Variants in TSNARE1 observed in about 807,000 individuals in gnomAD.
The protein encoded by TSNARE1 is t-SNARE domain-containing protein 1.
A neutral mutation model predicts 62.0 loss-of-function variants in TSNARE1; 49 were observed. That is an observed-to-expected ratio of 0.79 (90% CI 0.63 to 1.00). The LOEUF is 1.00. Ranked by LOEUF, TSNARE1 falls within the 50% of genes least tolerant of loss-of-function variation. TSNARE1 has a pLI of 0.00. For missense variants in TSNARE1, 755 were observed against 700.1 expected (o/e 1.08, Z -0.88); for synonymous variants, 328 against 294.4 (o/e 1.11, Z -1.17).
intron 12 of TSNARE1, among the ~76,000 whole-genome samples, chr8:142,256,243 A>G: frequency 7.1e-6 from 1 of 140,556 alleles, no homozygotes; most frequent in African/African-American, 2.7e-5. Flanking sequence ...CACCACCATC[A>G]CCATCACCAT....
rs1285240302 is a variant in TSNARE1 at position 142,344,458 on chromosome 8, G to A, written c.253C>T (p.Pro85Ser). 2 of 1,567,960 alleles carry A rather than the reference G, an allele frequency of 1.3e-6. No homozygotes were observed. Among genetic ancestry groups the A allele is most frequent in the Non-Finnish European group, 1.7e-6 (2 of 1,159,306 alleles). The stretch of plus-strand genomic sequence containing the variant: ...GGCTCCGGCATCCGGCTGCCTTCAG[G>A]GGCAACCCCAGGCCCTGGAAAGGCA... ...RARKRGPGVAPEGSRMPEPTS... is the reference protein window; with the variant it reads ...RARKRGPGVASEGSRMPEPTS... The change falls in exon 4 of 14, where the codon CCT becomes TCT. Residue 85 changes from proline to serine, a missense_variant. By Grantham distance (74) the Pro-to-Ser change is moderately conservative. Coordinates refer to ENST00000524325, the MANE Select transcript of TSNARE1 (RefSeq NM_145003.5).
intron 1 of TSNARE1, among the ~76,000 whole-genome samples, chr8:142,355,750 G>A (rs905148319): frequency 3.9e-5 from 6 of 152,230 alleles, no homozygotes; most frequent in African/African-American, 1.4e-4. Context: ...ACAAACACCT[G>A]AAGTGCGAAG....
intron 12 of TSNARE1, among the ~76,000 whole-genome samples, chr8:142,264,929 C>A (rs1038352799): frequency 6.6e-6 from 1 of 152,134 alleles, no homozygotes; most frequent in Non-Finnish European, 1.5e-5. Flanking sequence ...TGTGTTCTCG[C>A]CCTGTCCTGC....
intron 2 of TSNARE1, among the ~76,000 whole-genome samples, chr8:142,350,756 G>T (rs148252807): frequency 6.6e-6 from 1 of 152,200 alleles, no homozygotes; most frequent in Admixed American, 6.5e-5. Flanking sequence ...AACATGGCTG[G>T]ACACAAACCA....
chr8:142,296,604 C>T (rs868729303), intron 10 of TSNARE1, among the ~76,000 whole-genome samples: 3 of 151,944 alleles, frequency 2.0e-5, no homozygotes, highest in Admixed American at 6.5e-5. Context: ...AAGCAAGGGC[C>T]GCTCACCTTC....
chr8:142,400,570 C>G (rs1368074079), intron 1 of TSNARE1, among the ~76,000 whole-genome samples: 1 of 151,980 alleles, frequency 6.6e-6, no homozygotes, highest in African/African-American at 2.4e-5. Flanking sequence ...GAAACCCCGT[C>G]TCTACTAAAA....
intron 11 of TSNARE1, among the ~76,000 whole-genome samples, chr8:142,280,801 G>C (rs925040263): frequency 6.6e-6 from 1 of 152,156 alleles, no homozygotes; most frequent in African/African-American, 2.4e-5. Context: ...GGAGAAGGGG[G>C]GAGGACAGAG....
intron 12 of TSNARE1, among the ~76,000 whole-genome samples, chr8:142,255,926 T>C (rs867952789): frequency 0.019 from 303 of 15,940 alleles, no homozygotes; most frequent in African/African-American, 0.035. Flanking sequence ...ACCATCACCA[T>C]CACCATCACC....
chr8:142,341,288 A>G (rs7388259), intron 4 of TSNARE1, among the ~76,000 whole-genome samples: 152,276 of 152,316 alleles, frequency 1, 76,119 homozygotes, highest in Middle Eastern at 1. Flanking sequence ...AGGCCTGGCC[A>G]GGCAGTCTTC....
chr8:142,258,302 T>G (rs1386021807), intron 12 of TSNARE1, among the ~76,000 whole-genome samples: 4 of 152,170 alleles, frequency 2.6e-5, no homozygotes, highest in African/African-American at 9.7e-5. Context: ...CACACACGGA[T>G]GCATGCATGC....
chr8:142,352,077 G>T (rs578226453), intron 2 of TSNARE1, among the ~76,000 whole-genome samples: 2 of 152,398 alleles, frequency 1.3e-5, no homozygotes, highest in East Asian at 3.9e-4. Flanking sequence ...TGCCCTGGCT[G>T]AGAACTTCTG....
intron 13 of TSNARE1, among the ~76,000 whole-genome samples, chr8:142,223,564 TCATTCACTAACTCATCCACTCAC>T (rs1816624756): frequency 4.3e-5 from 2 of 46,054 alleles, no homozygotes; most frequent in African/African-American, 7.0e-5. Flanking sequence ...ACTCACTCAC[TCATTCACTAACTCATCCACTCAC>T]TCATTCACTC....
chr8:142,298,768 G>A (rs1825189610), intron 10 of TSNARE1, among the ~76,000 whole-genome samples: 1 of 152,190 alleles, frequency 6.6e-6, no homozygotes, highest in South Asian at 2.1e-4. Context: ...CCGAGGGGCT[G>A]TGACTGGACC....
chr8:142,352,469 C>T (rs748146146), intron 2 of TSNARE1, among the ~76,000 whole-genome samples: 24 of 152,378 alleles, frequency 1.6e-4, no homozygotes, highest in Admixed American at 5.9e-4. Flanking sequence ...CGCCACGCCC[C>T]GTGTACCTGC....
At chr8:142,215,374 T>C (rs148556349) in intron 13 of TSNARE1, among the ~76,000 whole-genome samples, 1 of 152,252 alleles carries the variant, frequency 6.6e-6, no homozygotes, top group East Asian at 1.9e-4. Flanking sequence ...CAGGGTCTAA[T>C]GCGAGGTGGC....
chr8:142,224,933 G>T (rs1275478363), intron 13 of TSNARE1, among the ~76,000 whole-genome samples: 1 of 152,140 alleles, frequency 6.6e-6, no homozygotes, highest in Non-Finnish European at 1.5e-5. Flanking sequence ...CCTAGCAGAG[G>T]AGTGAAGGCG....
chr8:142,349,114 T>TGCCCCAGAAGCA (rs1833761207), intron 2 of TSNARE1, among the ~76,000 whole-genome samples: 1 of 152,180 alleles, frequency 6.6e-6, no homozygotes. Context: ...CTCGCCCCCA[T>TGCCCCAGAAGCA]GCCCCAGAAG....
At chr8:142,220,359 A>C (rs1166876808) in intron 13 of TSNARE1, among the ~76,000 whole-genome samples, 1 of 152,134 alleles carries the variant, frequency 6.6e-6, no homozygotes, top group Non-Finnish European at 1.5e-5. Context: ...CCTCCAGCCC[A>C]CTTGCCAGAT....
At chr8:142,378,775 G>A (rs188353466) in intron 1 of TSNARE1, among the ~76,000 whole-genome samples, 48 of 152,330 alleles carry the variant, frequency 3.2e-4, no homozygotes, top group Admixed American at 2.8e-3. Context: ...GTAAGCTACC[G>A]CCCAGAGGTC....
Sources: gnomAD v4.1 joint callset for allele counts (sites outside exome capture counted in the v4.1 genomes callset) on GRCh38, gnomAD v4.1.1 for gene constraint, MANE v1.5 for transcripts, NCBI Gene and HGNC (gene_info 2026-07-23, HGNC 2026-07-21) for gene names.